CMSS1: variants seen among roughly 807,000 people sequenced by gnomAD.
CMSS1 encodes the protein cms1 ribosomal small subunit homolog, also known as protein CMSS1.
In CMSS1, 33 loss-of-function variants were observed where a neutral mutation model predicts 43.5. The observed-to-expected ratio is 0.76, with a 90% CI of 0.57 to 1.01. The LOEUF is 1.01. Ranked by LOEUF, CMSS1 falls within the 50% of genes least tolerant of loss-of-function variation. The pLI, the probability that CMSS1 is intolerant of heterozygous loss-of-function variation, is 0.00. For synonymous variants in CMSS1, 115 were observed against 117.2 expected (o/e 0.98, Z 0.12); for missense variants, 313 against 326.4 (o/e 0.96, Z 0.32).
At chr3:99,859,037 C>G (rs1050535204) in intron 1 of CMSS1, among the ~76,000 whole-genome samples, 1 of 152,232 alleles carries the variant, frequency 6.6e-6, no homozygotes, top group Non-Finnish European at 1.5e-5. Context: ...CAAATGTTCT[C>G]TCCCAGTCCA....
chr3:99,866,223 T>C (rs1168009225), intron 1 of CMSS1, among the ~76,000 whole-genome samples: 3 of 152,262 alleles, frequency 2.0e-5, no homozygotes, highest in Admixed American at 2.0e-4. Context: ...ACCTTAATTG[T>C]TGTTCAGTTC....
intron 1 of CMSS1, among the ~76,000 whole-genome samples, chr3:100,032,785 G>C (rs1338257208): frequency 6.6e-6 from 1 of 152,166 alleles, no homozygotes; most frequent in Non-Finnish European, 1.5e-5. Context: ...TAATGCAGTT[G>C]TGTGTAACAA....
chr3:99,985,346 A>G (rs1709306880), intron 1 of CMSS1, among the ~76,000 whole-genome samples: 1 of 152,074 alleles, frequency 6.6e-6, no homozygotes, highest in African/African-American at 2.4e-5. Flanking sequence ...AGCCCGAACA[A>G]CATGGCGAAA....
At chr3:99,938,185 C>G (rs1332919536) in intron 1 of CMSS1, among the ~76,000 whole-genome samples, 1 of 152,176 alleles carries the variant, frequency 6.6e-6, no homozygotes. Context: ...TGTAAACTTT[C>G]GATCATAAAT....
chr3:100,010,167 G>T (rs1710101842), intron 1 of CMSS1: 5 of 967,140 alleles, frequency 5.2e-6, no homozygotes, highest in Non-Finnish European at 6.1e-6. Flanking sequence ...TCATTTGATG[G>T]AATTTTCCAT....
intron 1 of CMSS1, among the ~76,000 whole-genome samples, chr3:99,927,530 C>T (rs867821257): frequency 1.1e-4 from 16 of 152,096 alleles, no homozygotes; most frequent in African/African-American, 3.9e-4. Flanking sequence ...CCACCACGCC[C>T]GGCTAATTTT....
At chr3:100,002,158 ATTC>A (rs1411533429) in intron 1 of CMSS1, among the ~76,000 whole-genome samples, 1 of 152,208 alleles carries the variant, frequency 6.6e-6, no homozygotes, top group Non-Finnish European at 1.5e-5. Context: ...TCTCTAATGA[ATTC>A]TTCTTTATTT....
chr3:99,919,381 A>G (rs1048920178), intron 1 of CMSS1, among the ~76,000 whole-genome samples: 10 of 149,932 alleles, frequency 6.7e-5, no homozygotes, highest in African/African-American at 2.2e-4. Flanking sequence ...TCAGGATTGT[A>G]TAGGTGAGGA....
intron 1 of CMSS1, among the ~76,000 whole-genome samples, chr3:99,923,698 T>C (rs1389691199): frequency 6.6e-6 from 1 of 152,184 alleles, no homozygotes; most frequent in Non-Finnish European, 1.5e-5. Context: ...GTTCCCTTAA[T>C]CGTTCTTTAG....
At chr3:99,875,054 G>C (rs1437019482) in intron 1 of CMSS1, among the ~76,000 whole-genome samples, 1 of 152,166 alleles carries the variant, frequency 6.6e-6, no homozygotes, top group Non-Finnish European at 1.5e-5. Flanking sequence ...TCACATAGTT[G>C]TTAAAGTTTT....
chr3:100,159,385 C>T (rs1006813013), intron 2 of CMSS1, among the ~76,000 whole-genome samples: 2 of 152,304 alleles, frequency 1.3e-5, no homozygotes, highest in East Asian at 3.9e-4. Context: ...ATATCTTTCT[C>T]TCTGACTTCA....
In CMSS1 at chr3:99,928,926, C is replaced by T. The variant is rs576200085; in HGVS notation, c.64+110883C>T. On this transcript the variant is annotated intron_variant, in intron 1 of 9. Coordinates refer to ENST00000421999, the MANE Select transcript of CMSS1 (RefSeq NM_032359.4). ...AGAGAAGCAGATACATATGACCAAACTCCTTCACTATTTGGCAAGACAGTA... is the reference window on the plus strand; with the variant it reads ...AGAGAAGCAGATACATATGACCAAATTCCTTCACTATTTGGCAAGACAGTA... Among the ~76,000 whole-genome samples the T allele has an allele frequency of 2.6e-4, 40 of 152,324 alleles. No homozygotes were observed. In the South Asian group the frequency reaches 7.5e-3, roughly 28 times the overall value.
At chr3:99,848,611 G>A (rs781236985) in intron 1 of CMSS1, 47 of 1,614,068 alleles carry the variant, frequency 2.9e-5, no homozygotes, top group Non-Finnish European at 3.9e-5. Flanking sequence ...GATTTCTGTT[G>A]GTTCTGGGGA....
At chr3:99,872,009 A>C (rs888526399) in intron 1 of CMSS1, among the ~76,000 whole-genome samples, 1 of 151,740 alleles carries the variant, frequency 6.6e-6, no homozygotes, top group Admixed American at 6.6e-5. Flanking sequence ...AATGGATTTT[A>C]TATCTAAATT....
chr3:100,109,133 C>T (rs1317843807), intron 1 of CMSS1, among the ~76,000 whole-genome samples: 1 of 150,594 alleles, frequency 6.6e-6, no homozygotes, highest in Non-Finnish European at 1.5e-5. Flanking sequence ...TTTCTCAGGC[C>T]TCAATTCTTC....
At position 99,878,567 on chromosome 3, in the gene CMSS1, T is replaced by G. The variant is rs1316350979; in HGVS notation, c.64+60524T>G. ...ATGTTTGGTAAAGGAGTGTTCAGAT[T>G]TAACTGAGAAGTTTCTGTTTATTTT... On this transcript the variant is annotated intron_variant, in intron 1 of 9. Transcript: ENST00000421999. 2.6e-5 allele frequency among the ~76,000 whole-genome samples: 4 copies of G among 152,376 alleles called. No homozygotes were observed. In the East Asian group the frequency reaches 7.7e-4, roughly 29 times the overall value.
intron 1 of CMSS1, among the ~76,000 whole-genome samples, chr3:100,062,530 C>A (rs1459558271): frequency 6.6e-6 from 1 of 152,170 alleles, no homozygotes; most frequent in East Asian, 1.9e-4. Context: ...GGGTCAGTCA[C>A]ACCAACCTCT....
intron 1 of CMSS1, among the ~76,000 whole-genome samples, chr3:99,921,984 A>C (rs1707138389): frequency 6.6e-6 from 1 of 152,182 alleles, no homozygotes; most frequent in South Asian, 2.1e-4. Flanking sequence ...AGCCCTCTCC[A>C]GCCTTCCTCC....
intron 1 of CMSS1, among the ~76,000 whole-genome samples, chr3:99,853,082 C>T (rs704582): frequency 0.81 from 123,917 of 152,154 alleles, 50,792 homozygotes; most frequent in African/African-American, 0.91. Flanking sequence ...CCATCCCTAT[C>T]TGAGACACAT....
Sources: allele counts gnomAD v4.1 joint callset (sites outside exome capture counted in the v4.1 genomes callset), GRCh38; gene constraint gnomAD v4.1.1; transcripts MANE v1.5; gene names NCBI Gene and HGNC (gene_info 2026-07-23, HGNC 2026-07-21).